GNE: variants seen among roughly 807,000 people sequenced by gnomAD.
The protein encoded by GNE is bifunctional UDP-N-acetylglucosamine 2-epimerase/N-acetylmannosamine kinase.
GNE carries 41 observed loss-of-function variants against 61.8 expected under a neutral mutation model. That is an observed-to-expected ratio of 0.66 (90% confidence interval 0.52 to 0.86). The LOEUF (loss-of-function observed/expected upper bound fraction) is 0.86. Among genes scored for constraint, GNE ranks in the 40% least tolerant of loss-of-function variants. The pLI is 0.00. For synonymous variants in GNE, 264 were observed against 326.4 expected, an observed-to-expected ratio of 0.81 and a Z score of 2.06; for missense variants, 608 against 909.1, an observed-to-expected ratio of 0.67 and a Z score of 4.26.
chr9:36,250,564 C>A (rs1172793137), intron 1 of GNE, among the ~76,000 whole-genome samples: 2 of 152,188 alleles, frequency 1.3e-5, no homozygotes, highest in Non-Finnish European at 2.9e-5. Context: ...CCCTAAATAT[C>A]TTTCAAATCT....
In GNE at chr9:36,258,174, C is replaced by T. The variant is rs186503973; in HGVS notation, c.-43+147G>A. On this transcript the variant is annotated intron_variant, in intron 1 of 11. Coordinates refer to ENST00000642385, the MANE Select transcript of GNE (RefSeq NM_005476.7). ...ATGGTGAGGCCTGCAGGACATTGGG[C>T]GAGAGCCGGGTCCAGTGTGGGCCTC... The T allele has an allele frequency of 4.8e-3, 1,301 of 272,648 alleles. 19 individuals carry two copies. Among genetic ancestry groups the T allele is most frequent in the African/African-American group, 0.028 (1,233 of 43,738 alleles). The allele number at this position is 272,648 out of a possible 1,614,324, so 16.9% of individuals were successfully genotyped here.
intron 4 of GNE, among the ~76,000 whole-genome samples, chr9:36,236,419 C>T (rs764677907): frequency 1.3e-5 from 2 of 152,106 alleles, no homozygotes; most frequent in East Asian, 1.9e-4. Flanking sequence ...AGGCTGGTCT[C>T]GAACTCCTGA....
At chr9:36,233,061 C>T (rs12337854) in intron 5 of GNE, among the ~76,000 whole-genome samples, 15,798 of 152,190 alleles carry the variant, frequency 0.1, 1,116 homozygotes, top group South Asian at 0.19. Flanking sequence ...GAACTCATCT[C>T]CTTGGTTCTA....
intron 3 of GNE, among the ~76,000 whole-genome samples, chr9:36,240,515 A>G (rs1829592344): frequency 6.6e-6 from 1 of 152,166 alleles, no homozygotes; most frequent in African/African-American, 2.4e-5. Context: ...CCACTTGATC[A>G]TGGAGGATTA....
chr9:36,262,580 C>T (rs1454724882), upstream of GNE, among the ~76,000 whole-genome samples: 1 of 151,978 alleles, frequency 6.6e-6, no homozygotes. Flanking sequence ...CTACAAGTTG[C>T]AAAAAAATTA....
chr9:36,249,016 T>G (rs1000960230), intron 2 of GNE, among the ~76,000 whole-genome samples, 176 bp downstream of exon 2: 2 of 152,214 alleles, frequency 1.3e-5, no homozygotes, highest in African/African-American at 2.4e-5. Flanking sequence ...ATATAAGTTT[T>G]CACTACATTA....
intron 5 of GNE, among the ~76,000 whole-genome samples, chr9:36,230,222 C>T (rs544780624): frequency 3.5e-4 from 54 of 152,260 alleles, no homozygotes; most frequent in African/African-American, 1.0e-3. Flanking sequence ...GGATTACAGG[C>T]GTGAGCCACT....
chr9:36,259,880 T>C (rs1034840380), upstream of GNE, among the ~76,000 whole-genome samples: 1 of 152,112 alleles, frequency 6.6e-6, no homozygotes, highest in African/African-American at 2.4e-5. Context: ...CAGACTGGTC[T>C]CAAACTCCCG....
chr9:36,271,366 T>G (rs1427076199), intron 1 of GNE, among the ~76,000 whole-genome samples: 1 of 152,198 alleles, frequency 6.6e-6, no homozygotes, highest in Non-Finnish European at 1.5e-5. Context: ...TTTACTCATC[T>G]CAAACTTTTT....
At chr9:36,223,347 C>A (rs1828695815) in intron 8 of GNE, 26 bp downstream of exon 8, 1 of 1,599,672 alleles carries the variant, frequency 6.3e-7, no homozygotes, top group Non-Finnish European at 8.6e-7. Flanking sequence ...ATGAGCATTT[C>A]TTGGATTTAT....
intron 2 of GNE, among the ~76,000 whole-genome samples, 154 bp from the exon 3 acceptor site, chr9:36,246,636 A>G (rs1829887506): frequency 6.6e-6 from 1 of 151,490 alleles, no homozygotes; most frequent in Admixed American, 6.6e-5. Context: ...ATAGACCATA[A>G]GTGTAAACAG....
At chr9:36,232,454 C>G (rs1031742740) in intron 5 of GNE, among the ~76,000 whole-genome samples, 1 of 152,108 alleles carries the variant, frequency 6.6e-6, no homozygotes, top group African/African-American at 2.4e-5. Flanking sequence ...ATGACTTACC[C>G]TGGCTTACAT....
chr9:36,219,904 G>T lies in GNE; in HGVS notation c.1750C>A (p.His584Asn). Reference protein sequence around the residue: ...LDGPDCSCGSHGCIEAYASGM... With the variant: ...LDGPDCSCGSNGCIEAYASGM... The stretch of plus-strand genomic sequence containing the variant: ...GAGGCGTATGCTTCAATGCACCCAT[G>T]GCTTCCACAGGAACAATCAGGCCCA... Residue 584 changes from histidine to asparagine, a missense_variant, in exon 10 of 12, where the codon CAT becomes AAT. Physicochemically the swap from His to Asn is moderately conservative, Grantham distance 68 (BLOSUM62 1). Coordinates refer to ENST00000642385, the MANE Select transcript of GNE (RefSeq NM_005476.7). 4 of 1,614,158 alleles carry T rather than the reference G, an allele frequency of 2.5e-6. No individual in the cohort carries two copies. Among genetic ancestry groups the T allele is most frequent in the Non-Finnish European group, 3.4e-6 (4 of 1,180,036 alleles).
At chr9:36,257,110 A>T (rs768372334) in intron 1 of GNE, among the ~76,000 whole-genome samples, 2 of 152,046 alleles carry the variant, frequency 1.3e-5, no homozygotes, top group Non-Finnish European at 2.9e-5. Flanking sequence ...AGGCTGAGGC[A>T]GGAGAATTAC....
At chr9:36,258,527 C>G, upstream of GNE, 3 of 985,476 alleles carry the variant, frequency 3.0e-6, no homozygotes, top group Non-Finnish European at 3.6e-6. Flanking sequence ...CGATCGCGCC[C>G]TGACGCCACC....
rs187875961 is a variant in GNE at position 36,238,219 on chromosome 9, A to G, written c.617-1235T>C. On this transcript the variant is annotated intron_variant, in intron 3 of 11. Transcript: ENST00000642385. ...ATTTGGTTGGTTCCATGACTTTGCA[A>G]TTGTGAATTGTGCTGCTATAAACAT... Among the ~76,000 whole-genome samples, 841 of 152,226 alleles carry G rather than the reference A, an allele frequency of 5.5e-3. 9 individuals are homozygous for G. The highest frequency in any genetic ancestry group is 0.019 in the African/African-American group (785 of 41,546).
At chr9:36,225,965 G>A (rs1828846694) in intron 7 of GNE, among the ~76,000 whole-genome samples, 1 of 151,926 alleles carries the variant, frequency 6.6e-6, no homozygotes, top group African/African-American at 2.4e-5. Flanking sequence ...AATGTTTTTT[G>A]TTTTACCCTA....
intron 6 of GNE, among the ~76,000 whole-genome samples, chr9:36,228,793 CAAAAAAA>C (rs71336431): frequency 1.2e-4 from 9 of 72,580 alleles, no homozygotes; most frequent in Admixed American, 5.0e-4. Flanking sequence ...GAGTCCATCT[CAAAAAAA>C]AAAAAAAAAA....
intron 1 of GNE, among the ~76,000 whole-genome samples, chr9:36,252,751 T>G (rs1830159215): frequency 6.6e-6 from 1 of 152,330 alleles, no homozygotes; most frequent in South Asian, 2.1e-4. Context: ...GGTTTAAAAT[T>G]GAAAAGTCAC....
Sources: allele counts gnomAD v4.1 joint callset (sites outside exome capture counted in the v4.1 genomes callset), GRCh38; gene constraint gnomAD v4.1.1; transcripts MANE v1.5; gene names NCBI Gene and HGNC (gene_info 2026-07-23, HGNC 2026-07-21).